The following MTMR2 variants were observed in gnomAD, a reference collection of about 807,000 sequenced individuals.
The protein encoded by MTMR2 is myotubularin related protein 2.
In MTMR2, 55 loss-of-function variants were observed where a neutral mutation model predicts 86.9. The ratio of observed to expected loss-of-function variants is 0.63; its 90% CI spans 0.51 to 0.79. The LOEUF is 0.79. Ranked by LOEUF, MTMR2 falls within the 30% of genes least tolerant of loss-of-function variation. The pLI, the probability that MTMR2 is intolerant of heterozygous loss-of-function variation, is 0.00. For synonymous variants in MTMR2, 241 were observed against 266.8 expected, an observed-to-expected ratio of 0.90 and a Z score of 0.94; for missense variants, 659 against 772.3, an observed-to-expected ratio of 0.85 and a Z score of 1.74.
chr11:95,850,025 A>G (rs911606032), intron 8 of MTMR2, among the ~76,000 whole-genome samples, 163 bp from the exon 9 acceptor site: 2 of 152,212 alleles, frequency 1.3e-5, no homozygotes, highest in African/African-American at 4.8e-5. Flanking sequence ...CTTCAAGCCA[A>G]TTCTGGGATG....
At chr11:95,859,491 C>G (rs1864327905) in intron 5 of MTMR2, among the ~76,000 whole-genome samples, 1 of 152,142 alleles carries the variant, frequency 6.6e-6, no homozygotes, top group Non-Finnish European at 1.5e-5. Context: ...AAGAGGGACA[C>G]TTGAGGTGTT....
intron 1 of MTMR2, among the ~76,000 whole-genome samples, chr11:95,914,792 C>G (rs541690416): frequency 6.6e-6 from 1 of 152,256 alleles, no homozygotes; most frequent in South Asian, 2.1e-4. Context: ...GATCTTCAGG[C>G]ATGTGTGTTC....
Position 95,845,064 on chromosome 11 carries a change from A to C in MTMR2, c.1275T>G (p.Ala425=). ...VHCSDGWDRT[A]QLTSLAMLML... ...TGAGCATGGCAAGGGAAGTGAGCTG[A>C]GCTGTGCGATCCCAACCATCACTGC... The change falls in exon 11 of 15, where the codon GCT becomes GCG. Residue 425 remains alanine (A), a synonymous_variant. Coordinates refer to ENST00000346299, the MANE Select transcript of MTMR2 (RefSeq NM_016156.6). The C allele has an allele frequency of 6.2e-7, 1 of 1,613,916 alleles. No homozygotes were observed. Among genetic ancestry groups the C allele is most frequent in the Non-Finnish European group, 8.5e-7 (1 of 1,179,856 alleles).
At chr11:95,877,659 G>A (rs567567628) in intron 2 of MTMR2, among the ~76,000 whole-genome samples, 6 of 152,178 alleles carry the variant, frequency 3.9e-5, no homozygotes, top group African/African-American at 1.4e-4. Flanking sequence ...AATTCAATAT[G>A]ACTGGTATCC....
intron 2 of MTMR2, chr11:95,882,492 T>A (rs2135533859): frequency 1.5e-5 from 2 of 134,852 alleles, no homozygotes; most frequent in South Asian, 4.8e-4. Context: ...AGAGCGAGAC[T>A]CCCTCTAAAA....
intron 7 of MTMR2, among the ~76,000 whole-genome samples, chr11:95,855,314 G>GCCCAAGCTTGA (rs1864170208): frequency 6.6e-6 from 1 of 152,032 alleles, no homozygotes; most frequent in Admixed American, 6.5e-5. Context: ...TGAGTGCAGT[G>GCCCAAGCTTGA]GCACATTCAC....
intron 11 of MTMR2, 142 bp downstream of exon 11, chr11:95,844,811 C>T: frequency 2.6e-6 from 2 of 778,828 alleles, no homozygotes; most frequent in Non-Finnish European, 4.3e-6. Flanking sequence ...TATCTTAATG[C>T]TTTCCAAAAC....
At chr11:95,923,168 C>T (rs1866993851) in intron 1 of MTMR2, among the ~76,000 whole-genome samples, 1 of 152,114 alleles carries the variant, frequency 6.6e-6, no homozygotes, top group East Asian at 1.9e-4. Context: ...CCATCTGTTA[C>T]AAGAGAAATG....
chr11:95,883,713 T>C (rs1198309788), intron 2 of MTMR2, among the ~76,000 whole-genome samples: 2 of 152,218 alleles, frequency 1.3e-5, no homozygotes, highest in African/African-American at 2.4e-5. Flanking sequence ...TCTAGACTAG[T>C]TCCATCCCCA....
intron 1 of MTMR2, among the ~76,000 whole-genome samples, chr11:95,902,996 C>A (rs1866128074): frequency 6.6e-6 from 1 of 152,188 alleles, no homozygotes; most frequent in Admixed American, 6.5e-5. Context: ...ATAATTCTTT[C>A]CAGTGCTGCC....
intron 10 of MTMR2, among the ~76,000 whole-genome samples, 184 bp from the exon 11 acceptor site, chr11:95,845,343 A>G (rs1483164092): frequency 1.3e-5 from 2 of 152,168 alleles, no homozygotes; most frequent in African/African-American, 4.8e-5. Flanking sequence ...AAAACTAGAA[A>G]AACCTCATAA....
At chr11:95,870,050 T>C (rs1028553026) in intron 2 of MTMR2, among the ~76,000 whole-genome samples, 1 of 152,188 alleles carries the variant, frequency 6.6e-6, no homozygotes, top group African/African-American at 2.4e-5. Context: ...ATAAATTTTA[T>C]ATCAAAAGAA....
chr11:95,885,397 T>C (rs559428128), intron 2 of MTMR2, among the ~76,000 whole-genome samples: 1 of 152,196 alleles, frequency 6.6e-6, no homozygotes, highest in East Asian at 1.9e-4. Context: ...GAAAACTGGA[T>C]GATGATTCTA....
At chr11:95,864,674 G>T (rs968369744) in intron 3 of MTMR2, among the ~76,000 whole-genome samples, 1 of 151,948 alleles carries the variant, frequency 6.6e-6, no homozygotes, top group African/African-American at 2.4e-5. Context: ...GCTAACTGGG[G>T]AAAAGAAAAA....
chr11:95,872,659 G>C (rs1474058075), intron 2 of MTMR2, among the ~76,000 whole-genome samples: 9 of 152,136 alleles, frequency 5.9e-5, no homozygotes, highest in African/African-American at 2.2e-4. Flanking sequence ...TGTTGAATAG[G>C]AGTGGTGAGA....
Position 95,922,560 on chromosome 11 carries a change from G to GA in MTMR2, c.80+1314dup, listed in dbSNP as rs1175974370. ...CCTGGATAATTCAGGCTACAAATTCGAAAAAAAAAAAACCATTTAGTGAGC... is the reference window on the plus strand; with the variant it reads ...CCTGGATAATTCAGGCTACAAATTCGAAAAAAAAAAAAACCATTTAGTGAGC... On this transcript the variant is annotated intron_variant, in intron 1 of 14. Transcript: ENST00000346299. 3.4e-3 allele frequency among the ~76,000 whole-genome samples: 477 copies of GA among 138,818 alleles called. 2 individuals carry two copies. The highest frequency in any genetic ancestry group is 1.0e-2 in the African/African-American group (380 of 38,100). The allele number at this position is 138,818 out of a possible 152,430, so 91.1% of individuals were successfully genotyped here.
intron 2 of MTMR2, among the ~76,000 whole-genome samples, chr11:95,871,043 A>G (rs1286272238): frequency 6.6e-6 from 1 of 152,094 alleles, no homozygotes; most frequent in Non-Finnish European, 1.5e-5. Flanking sequence ...AGCTTCATCC[A>G]TGCCCCTACA....
chr11:95,839,205 A>C (rs1193889973), intron 12 of MTMR2, among the ~76,000 whole-genome samples: 3 of 151,838 alleles, frequency 2.0e-5, no homozygotes, highest in Non-Finnish European at 4.4e-5. Flanking sequence ...CTAAACAAGA[A>C]AGGGCACTTA....
Position 95,835,208 on chromosome 11 carries a change from T to C in MTMR2, c.*82A>G. The C allele has an allele frequency of 7.0e-7, 1 of 1,435,716 alleles. No homozygotes were observed. 88.9% of individuals were successfully genotyped at this position (1,435,716 alleles called of 1,614,324 possible). On this transcript the variant is annotated 3_prime_UTR_variant, in exon 15 of 15. Coordinates refer to ENST00000346299, the MANE Select transcript of MTMR2 (RefSeq NM_016156.6). ...TGAACTTTCTCTCATAGATGGGTTC[T>C]AAATTCCGAAGACTTTCTACTCATA...
Sources: gnomAD v4.1 joint callset for allele counts (sites outside exome capture counted in the v4.1 genomes callset) on GRCh38, gnomAD v4.1.1 for gene constraint, MANE v1.5 for transcripts, NCBI Gene and HGNC (gene_info 2026-07-23, HGNC 2026-07-21) for gene names.